The following PACRGL variants were observed in gnomAD, a reference collection of about 807,000 sequenced individuals.
The protein encoded by PACRGL is parkin coregulated like.
In PACRGL, 38 loss-of-function variants were observed where a neutral mutation model predicts 34.5. That is an observed-to-expected ratio of 1.10 (90% CI 0.85 to 1.44). PACRGL has a LOEUF of 1.44. PACRGL is among the 40% of genes most tolerant of loss of function. PACRGL has a pLI of 0.00. For missense variants in PACRGL, 305 were observed against 281.4 expected (o/e 1.08, Z -0.60); for synonymous variants, 128 against 100.1 (o/e 1.28, Z -1.66).
chr4:20,717,714 C>A (rs932050734), intron 7 of PACRGL, among the ~76,000 whole-genome samples: 1 of 152,156 alleles, frequency 6.6e-6, no homozygotes, highest in African/African-American at 2.4e-5. Flanking sequence ...GGTACCAGTA[C>A]CATGCTGTTC....
chr4:20,725,391 A>T (rs1432075963), intron 8 of PACRGL, among the ~76,000 whole-genome samples: 1 of 152,174 alleles, frequency 6.6e-6, no homozygotes, highest in East Asian at 1.9e-4. Flanking sequence ...ACATATGCAC[A>T]CACAGTGCTG....
chr4:20,707,771 G>C (rs778120374), intron 3 of PACRGL, 32 bp from the exon 4 acceptor site: 2 of 1,582,792 alleles, frequency 1.3e-6, no homozygotes, highest in Non-Finnish European at 1.7e-6. Context: ...CAGAAGTATA[G>C]GTGATAGTAA....
At position 20,731,824 on chromosome 4, in the gene PACRGL, A is replaced by T. The variant is rs924631500; in HGVS notation, c.*4483A>T. ...CATAGCCTGACTCAGTGGGCACTCT[A>T]AATGTTGATTATGTAATTGGTGCTT... On this transcript the variant is annotated 3_prime_UTR_variant, in exon 9 of 9. Transcript: ENST00000503585. 3 of 985,230 alleles carry T rather than the reference A, an allele frequency of 3.0e-6. No individual in the cohort carries two copies. In the African/African-American group the frequency reaches 5.2e-5, roughly 17 times the overall value. The allele number at this position is 985,230 out of a possible 1,614,324, so 61.0% of individuals were successfully genotyped here.
chr4:20,750,395 G>T (rs1385868014), intron 8 of PACRGL, among the ~76,000 whole-genome samples: 1 of 152,050 alleles, frequency 6.6e-6, no homozygotes, highest in East Asian at 1.9e-4. Context: ...GTTGGAAGGG[G>T]ACTGGGTGGT....
rs1404869446 is a variant in PACRGL, at chr4:20,729,123, C to T, written c.*1782C>T. On this transcript the variant is annotated 3_prime_UTR_variant, in exon 9 of 9. Coordinates refer to ENST00000503585, the MANE Select transcript of PACRGL (RefSeq NM_001258345.3). ...GTAGTCAAGGTTTCTTTCTTTGTCC[C>T]TGAATGGCTTGTAATATAAATAAAC... 2 of 151,754 alleles carry T rather than the reference C, an allele frequency of 1.3e-5. No homozygotes were observed. Among genetic ancestry groups the T allele is most frequent in the Non-Finnish European group, 2.9e-5 (2 of 67,976 alleles). The allele number at this position is 151,754 out of a possible 1,614,324, so 9.4% of individuals were successfully genotyped here. A position where few individuals can be genotyped will look rare whatever the true frequency, so the allele number is the denominator to read the frequency against.
downstream of PACRGL, among the ~76,000 whole-genome samples, chr4:20,737,466 G>C (rs1749902769): frequency 6.6e-6 from 1 of 152,170 alleles, no homozygotes. Flanking sequence ...CTGTGCTCTT[G>C]AGAAGGTGGG....
intron 8 of PACRGL, among the ~76,000 whole-genome samples, chr4:20,743,758 A>C (rs1458856457): frequency 1.3e-5 from 2 of 152,196 alleles, no homozygotes; most frequent in African/African-American, 2.4e-5. Context: ...ACAAAAGCCA[A>C]AATTGACAAA....
the PACRGL span, chr4:20,766,904 C>T: frequency 6.8e-6 from 1 of 147,988 alleles, no homozygotes; most frequent in Admixed American, 6.7e-5. Context: ...TAGCTTCAGG[C>T]AAACTGTTTA....
intron 8 of PACRGL, among the ~76,000 whole-genome samples, chr4:20,747,236 T>C (rs886353836): frequency 6.6e-6 from 1 of 152,176 alleles, no homozygotes; most frequent in African/African-American, 2.4e-5. Flanking sequence ...TAATGTGCCC[T>C]AGGAAATTGG....
At chr4:20,721,909 C>T (rs986393273) in intron 7 of PACRGL, among the ~76,000 whole-genome samples, 1 of 152,224 alleles carries the variant, frequency 6.6e-6, no homozygotes, top group Non-Finnish European at 1.5e-5. Context: ...TTTGGCTATG[C>T]CCTGCCCCCA....
intron 3 of PACRGL, 142 bp downstream of exon 3, chr4:20,704,956 T>C (rs993335977): frequency 3.2e-6 from 3 of 938,942 alleles, no homozygotes; most frequent in Non-Finnish European, 3.2e-6. Context: ...GTTATTATGA[T>C]GAAGAACTGA....
rs145624140 is a variant in PACRGL at position 20,725,528 on chromosome 4, G to A, written c.690+640G>A. Among the ~76,000 whole-genome samples the A allele has an allele frequency of 3.3e-3, 499 of 152,126 alleles. 1 individual carries two copies. Among genetic ancestry groups the A allele is most frequent in the Middle Eastern group, 0.017 (5 of 294 alleles). On this transcript the variant is annotated intron_variant, in intron 8 of 8. Transcript: ENST00000503585. ...TTGAAAGAAGCATTCAGATAATCTC[G>A]TCTTAGAAATATTTCCATAAAAGCA...
intron 8 of PACRGL, among the ~76,000 whole-genome samples, chr4:20,742,562 G>T (rs746027850): frequency 6.6e-6 from 1 of 151,994 alleles, no homozygotes; most frequent in Non-Finnish European, 1.5e-5. Context: ...TTAATGGGAC[G>T]TATCTCAAAA....
At position 20,729,048 on chromosome 4, in the gene PACRGL, GAATTTTGCTTGCT is replaced by G. The variant is rs35485958; in HGVS notation, c.*1721_*1733del. On this transcript the variant is annotated 3_prime_UTR_variant, in exon 9 of 9. Coordinates refer to ENST00000503585, the MANE Select transcript of PACRGL (RefSeq NM_001258345.3). Reference sequence around the variant, plus strand: ...ATGGAACCACTGGTGCTTTCAAAGTGAATTTTGCTTGCTAATTTTGCTTGCTGTTTGTTCTTAG... The same window carrying G: ...ATGGAACCACTGGTGCTTTCAAAGTGAATTTTGCTTGCTGTTTGTTCTTAG... 0.33 allele frequency: 49,533 copies of G among 151,978 alleles called. 8,485 individuals carry two copies. The highest frequency in any genetic ancestry group is 0.43 in the African/African-American group (17,796 of 41,268). 9.4% of individuals were successfully genotyped at this position (151,978 alleles called of 1,614,324 possible).
At chr4:20,743,589 C>G (rs2149314207) in intron 8 of PACRGL, among the ~76,000 whole-genome samples, 1 of 152,260 alleles carries the variant, frequency 6.6e-6, no homozygotes, top group African/African-American at 2.4e-5. Flanking sequence ...GAAACTGGAT[C>G]CCTTCCTTAC....
At position 20,731,075 on chromosome 4, in the gene PACRGL, ATTCTTTTT is replaced by A. The variant is rs1325991399; in HGVS notation, c.*3745_*3752del. On this transcript the variant is annotated 3_prime_UTR_variant, in exon 9 of 9. Transcript: ENST00000503585. ...CTTTGTTTTCAGGATTATTTGAAAA[ATTCTTTTT>A]TTCTTTTTTTAGTTTTGAGGCAGAG... is the stretch of plus-strand genomic sequence containing the variant. Among the ~76,000 whole-genome samples, 4 of 152,138 alleles carry A rather than the reference ATTCTTTTT, an allele frequency of 2.6e-5. No homozygotes were observed. Among genetic ancestry groups the A allele is most frequent in the East Asian group, 1.9e-4 (1 of 5,198 alleles).
At chr4:20,700,440 C>G (rs1427231017), upstream of PACRGL, 2 of 152,134 alleles carry the variant, frequency 1.3e-5, no homozygotes, top group Non-Finnish European at 2.9e-5. Flanking sequence ...GGTTCAGGGG[C>G]GGGCCGCGCG....
rs1368598172 is a variant in PACRGL at position 20,728,999 on chromosome 4, A to G, written c.*1658A>G. The G allele has an allele frequency of 1.3e-5, 2 of 152,260 alleles. No individual in the cohort carries two copies. The highest frequency in any genetic ancestry group is 1.3e-4 in the Admixed American group (2 of 15,262). The allele number at this position is 152,260 out of a possible 1,614,324, so 9.4% of individuals were successfully genotyped here. A position where few individuals can be genotyped will look rare whatever the true frequency, so the allele number is the denominator to read the frequency against. ...TTGTTGAGCACTTATTTTCTACTAA[A>G]TCTTGGTAGTAGTTGTCAATGTAAT... On this transcript the variant is annotated 3_prime_UTR_variant, in exon 9 of 9. Transcript: ENST00000503585.
At chr4:20,710,472 C>T (rs1234388268) in intron 5 of PACRGL, among the ~76,000 whole-genome samples, 3 of 152,034 alleles carry the variant, frequency 2.0e-5, no homozygotes, top group Non-Finnish European at 2.9e-5. Context: ...AGTTAAGGAT[C>T]GTTTTGTTGT....
Sources: allele counts gnomAD v4.1 joint callset (sites outside exome capture counted in the v4.1 genomes callset), GRCh38; gene constraint gnomAD v4.1.1; transcripts MANE v1.5; gene names NCBI Gene and HGNC (gene_info 2026-07-23, HGNC 2026-07-21).